GABRG3: variants seen among roughly 807,000 people sequenced by gnomAD.
The protein encoded by GABRG3 is gamma-aminobutyric acid type A receptor subunit gamma3.
Under a neutral mutation model 48.8 loss-of-function variants are expected in GABRG3, and 25 were observed. The observed-to-expected ratio is 0.51, with a 90% CI of 0.37 to 0.72. The LOEUF (loss-of-function observed/expected upper bound fraction) is 0.72. Among genes scored for constraint, GABRG3 ranks in the 30% least tolerant of loss-of-function variants. The pLI is 0.00. For missense variants in GABRG3, 394 were observed against 577.9 expected, an observed-to-expected ratio of 0.68 and a Z score of 3.26; for synonymous variants, 227 against 217.6, an observed-to-expected ratio of 1.04 and a Z score of -0.38.
intron 2 of GABRG3, among the ~76,000 whole-genome samples, 170 bp from the exon 3 acceptor site, chr15:27,026,584 G>A (rs1895986864): frequency 6.6e-6 from 1 of 152,142 alleles, no homozygotes; most frequent in African/African-American, 2.4e-5. Context: ...GAAAAGAAAG[G>A]CAGGCAGGGC....
intron 3 of GABRG3, among the ~76,000 whole-genome samples, chr15:27,304,844 T>C (rs1892340180): frequency 6.6e-6 from 1 of 152,016 alleles, no homozygotes; most frequent in African/African-American, 2.4e-5. Context: ...TTATTCTGTC[T>C]ACCACAAGTT....
chr15:27,392,352 G>A (rs1887158166), intron 5 of GABRG3, among the ~76,000 whole-genome samples: 1 of 152,088 alleles, frequency 6.6e-6, no homozygotes, highest in Non-Finnish European at 1.5e-5. Flanking sequence ...TGTTTTTGAT[G>A]ACCCTGACAT....
intron 2 of GABRG3, among the ~76,000 whole-genome samples, chr15:26,995,290 T>C (rs1895319723): frequency 6.6e-6 from 1 of 152,060 alleles, no homozygotes; most frequent in Non-Finnish European, 1.5e-5. Flanking sequence ...TGTTTGGTGT[T>C]TGCATTGTAT....
chr15:27,412,478 A>T (rs1276932052), intron 5 of GABRG3, among the ~76,000 whole-genome samples: 1 of 152,252 alleles, frequency 6.6e-6, no homozygotes, highest in Non-Finnish European at 1.5e-5. Flanking sequence ...CAGCAGAATT[A>T]TCTGATACTC....
chr15:27,437,574 G>A (rs954215494), intron 5 of GABRG3, among the ~76,000 whole-genome samples: 8 of 152,036 alleles, frequency 5.3e-5, no homozygotes, highest in African/African-American at 1.7e-4. Context: ...TTATGTCCTG[G>A]CCCACAACAA....
chr15:27,438,339 G>A (rs1467923398), intron 5 of GABRG3, among the ~76,000 whole-genome samples: 1 of 152,174 alleles, frequency 6.6e-6, no homozygotes, highest in Non-Finnish European at 1.5e-5. Flanking sequence ...ACAATTTTAT[G>A]TGCATTTTAC....
At position 27,539,238 on chromosome 15, in the gene GABRG3, C is replaced by T. The variant is rs1029468937; in HGVS notation, c.*6357C>T. 5 of 152,140 alleles carry T rather than the reference C, an allele frequency of 3.3e-5. No homozygotes were observed. Among genetic ancestry groups the T allele is most frequent in the South Asian group, 2.1e-4 (1 of 4,830 alleles). The allele number at this position is 152,140 out of a possible 1,614,324, so 9.4% of individuals were successfully genotyped here. A position where few individuals can be genotyped will look rare whatever the true frequency, so the allele number is the denominator to read the frequency against. On this transcript the variant is annotated 3_prime_UTR_variant, in exon 10 of 10. Coordinates refer to ENST00000615808, the MANE Select transcript of GABRG3 (RefSeq NM_033223.5). ...ACCTGAGATGGGCTGAATTTTCACCCGGAAGTCTGAAGCCTCTGGAAGGGC... is the reference window on the plus strand; with the variant it reads ...ACCTGAGATGGGCTGAATTTTCACCTGGAAGTCTGAAGCCTCTGGAAGGGC...
At chr15:27,262,525 C>A (rs1890798307) in intron 3 of GABRG3, among the ~76,000 whole-genome samples, 1 of 152,188 alleles carries the variant, frequency 6.6e-6, no homozygotes, top group Non-Finnish European at 1.5e-5. Context: ...CGCCCCTACC[C>A]CATCTGAGTA....
chr15:26,990,474 AT>A (rs1259268395), intron 2 of GABRG3, among the ~76,000 whole-genome samples: 2 of 151,804 alleles, frequency 1.3e-5, no homozygotes, highest in African/African-American at 2.4e-5. Flanking sequence ...AGATTATTAG[AT>A]TTTTTTTCCT....
Position 27,109,532 on chromosome 15 carries a change from G to T in GABRG3, c.270+82711G>T, listed in dbSNP as rs533840659. 2.8e-4 allele frequency among the ~76,000 whole-genome samples: 42 copies of T among 152,202 alleles called. No individual in the cohort carries two copies. The South Asian group carries it at 8.7e-3, about 32-fold the overall frequency. On this transcript the variant is annotated intron_variant, in intron 3 of 9. Coordinates refer to ENST00000615808, the MANE Select transcript of GABRG3 (RefSeq NM_033223.5). Reference sequence around the variant, plus strand: ...CCTGGCAACCAATGATTGTTTTCCTGTCGCCATAGTTTTGCCATCCTTTTA... The same window carrying T: ...CCTGGCAACCAATGATTGTTTTCCTTTCGCCATAGTTTTGCCATCCTTTTA...
chr15:27,181,434 C>T (rs546443835), intron 3 of GABRG3, among the ~76,000 whole-genome samples: 7 of 152,290 alleles, frequency 4.6e-5, no homozygotes, highest in African/African-American at 1.7e-4. Context: ...GCGGATGCTG[C>T]AGATGGGGAA....
chr15:27,228,357 C>A (rs1214448193), intron 3 of GABRG3, among the ~76,000 whole-genome samples: 1 of 152,172 alleles, frequency 6.6e-6, no homozygotes, highest in African/African-American at 2.4e-5. Flanking sequence ...AGAGTGGTAG[C>A]CTCCAGCTCC....
intron 3 of GABRG3, among the ~76,000 whole-genome samples, chr15:27,253,153 G>C (rs1463713630): frequency 6.6e-6 from 1 of 152,244 alleles, no homozygotes; most frequent in African/African-American, 2.4e-5. Flanking sequence ...CACTGCTGGA[G>C]TGTGTGTCTG....
chr15:27,515,369 C>G (rs140963632), intron 6 of GABRG3, among the ~76,000 whole-genome samples: 1 of 152,202 alleles, frequency 6.6e-6, no homozygotes, highest in East Asian at 1.9e-4. Flanking sequence ...GCTGGGATTA[C>G]AGGTTGAGCC....
Position 27,539,130 on chromosome 15 carries a change from A to C in GABRG3, c.*6249A>C, listed in dbSNP as rs1454714367. On this transcript the variant is annotated 3_prime_UTR_variant, in exon 10 of 10. Coordinates refer to ENST00000615808, the MANE Select transcript of GABRG3 (RefSeq NM_033223.5). ...CTGGAGCTAAGTTGTCATTTTAGGG[A>C]CATGGTGATAATCAGGACTGATGCC... 1 of 152,176 alleles carries C rather than the reference A, an allele frequency of 6.6e-6. No individual in the cohort carries two copies. Among genetic ancestry groups the C allele is most frequent in the Non-Finnish European group, 1.5e-5 (1 of 68,030 alleles). 9.4% of individuals were successfully genotyped at this position (152,176 alleles called of 1,614,324 possible).
rs151049239 is a variant in GABRG3 at position 27,384,944 on chromosome 15, A to C, written c.574+56056A>C. 9.8e-5 allele frequency among the ~76,000 whole-genome samples: 15 copies of C among 152,294 alleles called. 3 individuals carry two copies. Among genetic ancestry groups the C allele is most frequent in the African/African-American group, 3.6e-4 (15 of 41,566 alleles). On this transcript the variant is annotated intron_variant, in intron 5 of 9. Coordinates refer to ENST00000615808, the MANE Select transcript of GABRG3 (RefSeq NM_033223.5). Reference sequence around the variant, plus strand: ...ATAATTGCTATATAGTACAATGCACATATCTTAGATATTCAGTTGAATGTA... The same window carrying C: ...ATAATTGCTATATAGTACAATGCACCTATCTTAGATATTCAGTTGAATGTA...
At chr15:27,278,182 G>A (rs1476439164) in intron 3 of GABRG3, among the ~76,000 whole-genome samples, 6 of 151,928 alleles carry the variant, frequency 3.9e-5, no homozygotes, top group African/African-American at 7.3e-5. Context: ...CTCCTGAGTA[G>A]CTGGGACTAC....
intron 5 of GABRG3, among the ~76,000 whole-genome samples, chr15:27,405,874 A>G (rs762751978): frequency 9.9e-5 from 15 of 152,142 alleles, no homozygotes; most frequent in Admixed American, 9.8e-4. Context: ...TAGGGAAAAT[A>G]GAGGAAAATG....
chr15:27,165,464 G>A (rs555386284), intron 3 of GABRG3, among the ~76,000 whole-genome samples: 10 of 152,280 alleles, frequency 6.6e-5, no homozygotes, highest in South Asian at 2.1e-4. Flanking sequence ...TCTAGTTCTT[G>A]TCATGCTTTA....
Sources: allele counts gnomAD v4.1 joint callset (sites outside exome capture counted in the v4.1 genomes callset), GRCh38; gene constraint gnomAD v4.1.1; transcripts MANE v1.5; gene names NCBI Gene and HGNC (gene_info 2026-07-23, HGNC 2026-07-21).